Variants in GLT8D2 observed in about 807,000 individuals in gnomAD.
The protein encoded by GLT8D2 is glycosyltransferase 8 domain containing 2.
In GLT8D2, 45 loss-of-function variants were observed where a neutral mutation model predicts 44.5. The observed-to-expected ratio is 1.01, with a 90% CI of 0.80 to 1.30. The LOEUF is 1.30. Ranked by LOEUF, GLT8D2 falls within the 50% of genes most tolerant of loss-of-function variation. GLT8D2 has a pLI of 0.00. For missense variants in GLT8D2, 400 were observed against 430.4 expected (o/e 0.93, Z 0.62); for synonymous variants, 156 against 157.2 (o/e 0.99, Z 0.06).
intron 4 of GLT8D2, among the ~76,000 whole-genome samples, chr12:104,007,909 C>T (rs1187857369): frequency 6.6e-6 from 1 of 152,312 alleles, no homozygotes; most frequent in East Asian, 1.9e-4. Context: ...GCTTTTGCAT[C>T]TCTCACTTTC....
At position 104,021,953 on chromosome 12, in the gene GLT8D2, AGAGGAAGAAGAGGAAGAG is replaced by A. The variant is rs1877842619; in HGVS notation, c.-163-480_-163-463del. 5.8e-4 allele frequency among the ~76,000 whole-genome samples: 8 copies of A among 13,756 alleles called. 1 individual carries two copies. The highest frequency in any genetic ancestry group is 7.0e-4 in the Non-Finnish European group (5 of 7,134). 9.0% of individuals were successfully genotyped at this position (13,756 alleles called of 152,430 possible). A position where few individuals can be genotyped will look rare whatever the true frequency, so the allele number is the denominator to read the frequency against. ...AAGAAGAAGAAGAAGAAGAAGAAGA[AGAGGAAGAAGAGGAAGAG>A]GAAGAGGAAGAGGAAGAAGAAGAAG... On this transcript the variant is annotated intron_variant, in intron 1 of 10. Transcript: ENST00000360814.
chr12:103,997,653 A>G (rs2136282036), intron 6 of GLT8D2, 118 bp from the exon 7 acceptor site: 2 of 704,444 alleles, frequency 2.8e-6, no homozygotes, highest in Middle Eastern at 2.5e-4. Context: ...TTTGGAGCGG[A>G]ATAAAACAGG....
Position 103,999,497 on chromosome 12 carries a change from G to A in GLT8D2, c.302C>T (p.Ser101Phe). The A allele has an allele frequency of 6.2e-7, 1 of 1,606,944 alleles. No individual in the cohort carries two copies. The highest frequency in any genetic ancestry group is 8.5e-7 in the Non-Finnish European group (1 of 1,174,500). ...TTTAAAGTTTATTTCTCTCAGTTTG[G>A]AATGTTCAATCCATTTTCTAAAAAG... Reference protein sequence around the residue: ...LTRIRKWIEHSKLREINFKIV... With the variant: ...LTRIRKWIEHFKLREINFKIV... The change falls in exon 6 of 11, where the codon TCC (serine) becomes TTC (phenylalanine). Residue 101 changes from serine to phenylalanine, a missense_variant. Ser to Phe is a radical substitution (Grantham distance 155, BLOSUM62 -2). Coordinates refer to ENST00000360814, the MANE Select transcript of GLT8D2 (RefSeq NM_001384711.1).
chr12:104,048,734 G>A (rs1881422596), intron 1 of GLT8D2, among the ~76,000 whole-genome samples: 1 of 152,190 alleles, frequency 6.6e-6, no homozygotes, highest in African/African-American at 2.4e-5. Context: ...CAGAGGTGTT[G>A]CCAAAAACAG....
In GLT8D2 at chr12:104,063,211, G is replaced by A. The variant is rs375850513; in HGVS notation, c.-423+738C>T. 3.1e-4 allele frequency among the ~76,000 whole-genome samples: 47 copies of A among 152,214 alleles called. 1 individual carries two copies. The highest frequency in any genetic ancestry group is 1.1e-3 in the African/African-American group (46 of 41,524). Reference sequence around the variant, plus strand: ...GCAGTCACAAGGTTACTATAGTGAAGCATATTAACATATCCATCATCTCAT... The same window carrying A: ...GCAGTCACAAGGTTACTATAGTGAAACATATTAACATATCCATCATCTCAT... On this transcript the variant is annotated intron_variant, in intron 1 of 10. Coordinates refer to the GLT8D2 transcript ENST00000548660.
chr12:104,006,109 C>T (rs1874969805), intron 4 of GLT8D2, among the ~76,000 whole-genome samples: 2 of 152,002 alleles, frequency 1.3e-5, no homozygotes, highest in Non-Finnish European at 2.9e-5. Flanking sequence ...TGGAAACCAT[C>T]ATTCTCAGCA....
intron 2 of GLT8D2, among the ~76,000 whole-genome samples, chr12:104,020,917 A>G (rs1036047664): frequency 2.0e-5 from 3 of 152,240 alleles, no homozygotes; most frequent in African/African-American, 7.2e-5. Flanking sequence ...GCCGGATACT[A>G]CTGTGCCTGA....
intron 8 of GLT8D2, among the ~76,000 whole-genome samples, chr12:103,995,431 T>C (rs1404772416): frequency 6.6e-6 from 1 of 152,254 alleles, no homozygotes; most frequent in Non-Finnish European, 1.5e-5. Flanking sequence ...TCCCGCTTCC[T>C]GGAGGGTTTC....
In GLT8D2 at chr12:104,019,591, A is replaced by G. The variant is rs755961837; in HGVS notation, c.19+39T>C. 2.6e-6 allele frequency: 4 copies of G among 1,527,614 alleles called. No individual in the cohort carries two copies. The South Asian group carries it at 4.6e-5, about 18-fold the overall frequency. The allele number at this position is 1,527,614 out of a possible 1,614,324, so 94.6% of individuals were successfully genotyped here. A position where few individuals can be genotyped will look rare whatever the true frequency, so the allele number is the denominator to read the frequency against. ...CAGCCTCAAAACCATCCTCCCAAAT[A>G]TGTTTTTAAATCATTATTTTCAAAA... On this transcript the variant is annotated intron_variant, in intron 3 of 10. Coordinates refer to ENST00000360814, the MANE Select transcript of GLT8D2 (RefSeq NM_001384711.1).
chr12:104,052,010 G>GA (rs112616382), upstream of GLT8D2, among the ~76,000 whole-genome samples: 2 of 151,900 alleles, frequency 1.3e-5, no homozygotes, highest in African/African-American at 2.4e-5. Flanking sequence ...TAAAAAAATA[G>GA]AAAAAAACAC....
Position 104,016,715 on chromosome 12 carries a change from G to GAAA in GLT8D2, c.20-1613_20-1611dup, listed in dbSNP as rs370216314. On this transcript the variant is annotated intron_variant, in intron 3 of 10. Coordinates refer to ENST00000360814, the MANE Select transcript of GLT8D2 (RefSeq NM_001384711.1). ...AGAAAGAAAGAAAGGGAGAGAGAAA[G>GAAA]AAAGAAAGAAAGAAAGAAAGAAAGA... Among the ~76,000 whole-genome samples the GAAA allele has an allele frequency of 6.7e-4, 24 of 35,822 alleles. 1 individual carries two copies. Among genetic ancestry groups the GAAA allele is most frequent in the African/African-American group, 2.3e-3 (23 of 10,176 alleles). The allele number at this position is 35,822 out of a possible 152,430, so 23.5% of individuals were successfully genotyped here. A position where few individuals can be genotyped will look rare whatever the true frequency, so the allele number is the denominator to read the frequency against.
intron 1 of GLT8D2, among the ~76,000 whole-genome samples, chr12:104,048,237 C>T (rs1337230882): frequency 6.6e-6 from 1 of 152,130 alleles, no homozygotes; most frequent in Non-Finnish European, 1.5e-5. Flanking sequence ...AATAGCACAC[C>T]GCAGAGTGTG....
At chr12:104,050,839 G>T (rs1217412592), upstream of GLT8D2, among the ~76,000 whole-genome samples, 1 of 147,604 alleles carries the variant, frequency 6.8e-6, no homozygotes, top group Non-Finnish European at 1.5e-5. Flanking sequence ...TTTTGAGACG[G>T]AGTCTCCCTC....
At chr12:104,034,625 C>A (rs1466044109) in intron 1 of GLT8D2, among the ~76,000 whole-genome samples, 1 of 152,240 alleles carries the variant, frequency 6.6e-6, no homozygotes, top group African/African-American at 2.4e-5. Flanking sequence ...AGTGGGTAAA[C>A]AAAGTGGGTG....
chr12:104,058,984 G>A (rs1219043186), intron 1 of GLT8D2, among the ~76,000 whole-genome samples: 1 of 152,172 alleles, frequency 6.6e-6, no homozygotes, highest in Non-Finnish European at 1.5e-5. Flanking sequence ...TGGAAACACT[G>A]GACAAAGGAT....
intron 1 of GLT8D2, among the ~76,000 whole-genome samples, chr12:104,023,641 A>C (rs1236596716): frequency 6.6e-6 from 1 of 152,236 alleles, no homozygotes; most frequent in Non-Finnish European, 1.5e-5. Context: ...GGGGTAGAGA[A>C]CAATGCCAAC....
At chr12:104,023,783 C>T (rs1344361244) in intron 1 of GLT8D2, among the ~76,000 whole-genome samples, 1 of 152,186 alleles carries the variant, frequency 6.6e-6, no homozygotes, top group South Asian at 2.1e-4. Flanking sequence ...TGGAATCCTA[C>T]AGGATGTAAT....
At chr12:104,004,369 G>C (rs900074288) in intron 4 of GLT8D2, among the ~76,000 whole-genome samples, 3 of 152,170 alleles carry the variant, frequency 2.0e-5, no homozygotes, top group Non-Finnish European at 4.4e-5. Context: ...AGTGTTGGAA[G>C]TTCTGGCCAG....
Position 104,015,101 on chromosome 12 carries a change from A to C in GLT8D2, c.24T>G (p.Asn8Lys). The C allele has an allele frequency of 1.2e-6, 2 of 1,611,106 alleles. No individual in the cohort carries two copies. Among genetic ancestry groups the C allele is most frequent in the Non-Finnish European group, 1.7e-6 (2 of 1,177,474 alleles). Residue 8 changes from asparagine (N) to lysine (K), a missense_variant, in exon 4 of 11, where the codon AAT (asparagine) becomes AAG (lysine). Asn to Lys is a moderately conservative substitution (Grantham distance 94). Coordinates refer to ENST00000360814, the MANE Select transcript of GLT8D2 (RefSeq NM_001384711.1). MALLRKI[N>K]QVLLFLLIVT... is the part of the protein sequence containing the mutation. Reference sequence around the variant, plus strand: ...CGATCAGAAGGAACAGCAGCACCTGATTAACTGAAATAGAAATGGAAACAC... The same window carrying C: ...CGATCAGAAGGAACAGCAGCACCTGCTTAACTGAAATAGAAATGGAAACAC...
Sources: allele counts gnomAD v4.1 joint callset (sites outside exome capture counted in the v4.1 genomes callset), GRCh38; gene constraint gnomAD v4.1.1; transcripts MANE v1.5; gene names NCBI Gene and HGNC (gene_info 2026-07-23, HGNC 2026-07-21).